ANGPT1: variants seen among roughly 807,000 people sequenced by gnomAD.
ANGPT1 encodes the protein angiopoietin 1.
A neutral mutation model predicts 62.2 loss-of-function variants in ANGPT1; 17 were observed. The ratio of observed to expected loss-of-function variants is 0.27; its 90% confidence interval spans 0.19 to 0.41. The LOEUF (loss-of-function observed/expected upper bound fraction) is 0.41, where lower values mean the gene tolerates loss of function less well. ANGPT1 is among the 10% of genes least tolerant of loss of function. ANGPT1 has a pLI of 1.00. For synonymous variants in ANGPT1, 199 were observed against 198.9 expected, an observed-to-expected ratio of 1.00 and a Z score of 0.00; for missense variants, 478 against 594.9, an observed-to-expected ratio of 0.80 and a Z score of 2.04.
chr8:107,349,192 A>G (rs924031333), intron 1 of ANGPT1, among the ~76,000 whole-genome samples: 3 of 151,954 alleles, frequency 2.0e-5, no homozygotes, highest in Non-Finnish European at 4.4e-5. Context: ...AGACACTTGG[A>G]TGCATAGATA....
At chr8:107,339,714 T>TG (rs1815653995) in intron 2 of ANGPT1, among the ~76,000 whole-genome samples, 1 of 152,082 alleles carries the variant, frequency 6.6e-6, no homozygotes, top group East Asian at 1.9e-4. Context: ...CCAGACCCCC[T>TG]GGGGGCCTAG....
chr8:107,487,584 A>G (rs1379129137), intron 1 of ANGPT1, among the ~76,000 whole-genome samples: 1 of 152,156 alleles, frequency 6.6e-6, no homozygotes, highest in Admixed American at 6.5e-5. Flanking sequence ...AGCTCCAGAG[A>G]GCTAAAGAAA....
In ANGPT1 at chr8:107,278,312, G is replaced by A. The variant is rs533479318; in HGVS notation, c.1205+6370C>T. On this transcript the variant is annotated intron_variant, in intron 7 of 8. Transcript: ENST00000517746. ...TTGCCCAGGCTGATGTCAAACTCCT[G>A]ACCTCAAGCAGTCCTCCCACTTTGG... Among the ~76,000 whole-genome samples, 8 of 152,160 alleles carry A rather than the reference G, an allele frequency of 5.3e-5. No individual in the cohort carries two copies. In the South Asian group the frequency reaches 1.5e-3, roughly 28 times the overall value.
At chr8:107,305,915 T>C (rs1814703862) in intron 4 of ANGPT1, among the ~76,000 whole-genome samples, 1 of 152,030 alleles carries the variant, frequency 6.6e-6, no homozygotes. Flanking sequence ...ATCCACAGCT[T>C]ACCTTTGGTA....
At chr8:107,256,802 C>T (rs977249318) in intron 8 of ANGPT1, among the ~76,000 whole-genome samples, 1 of 152,048 alleles carries the variant, frequency 6.6e-6, no homozygotes, top group Admixed American at 6.6e-5. Flanking sequence ...ATTGGGACAA[C>T]TGATAAAATG....
Position 107,251,596 on chromosome 8 carries a change from T to C in ANGPT1, c.*259A>G. 2.6e-6 allele frequency: 1 copy of C among 391,970 alleles called. No individual in the cohort carries two copies. The highest frequency in any genetic ancestry group is 3.9e-5 in the Admixed American group (1 of 25,850). The allele number at this position is 391,970 out of a possible 1,614,324, so 24.3% of individuals were successfully genotyped here. The stretch of plus-strand genomic sequence containing the variant: ...TTGAAGCACAGCAAGCTCAGCAGTT[T>C]CTTCCCTTTTTAAAGCCCGACAGTC... On this transcript the variant is annotated 3_prime_UTR_variant, in exon 9 of 9. Coordinates refer to ENST00000517746, the MANE Select transcript of ANGPT1 (RefSeq NM_001146.5).
chr8:107,494,411 G>A (rs1035662834), intron 1 of ANGPT1, among the ~76,000 whole-genome samples: 1 of 152,110 alleles, frequency 6.6e-6, no homozygotes, highest in African/African-American at 2.4e-5. Flanking sequence ...TATTTACTAT[G>A]ACTTGCTAAT....
At chr8:107,431,663 C>T (rs1811189913) in intron 1 of ANGPT1, among the ~76,000 whole-genome samples, 1 of 152,122 alleles carries the variant, frequency 6.6e-6, no homozygotes, top group African/African-American at 2.4e-5. Context: ...GTTCTCCCAA[C>T]ATACTGTCAT....
At chr8:107,445,022 ATCCGCACTTCACCCTGAAGGGGGC>A (rs1235615499) in intron 1 of ANGPT1, among the ~76,000 whole-genome samples, 4 of 152,192 alleles carry the variant, frequency 2.6e-5, no homozygotes, top group Non-Finnish European at 4.4e-5. Flanking sequence ...GGTCATTAGA[ATCCGCACTTCACCCTGAAGGGGGC>A]TGACAATACA....
intron 1 of ANGPT1, among the ~76,000 whole-genome samples, chr8:107,479,939 T>A (rs1386247063): frequency 3.3e-5 from 5 of 152,208 alleles, no homozygotes; most frequent in African/African-American, 1.2e-4. Context: ...TAAATCTTAC[T>A]AAACTTATGT....
At chr8:107,455,691 G>A (rs1270632704) in intron 1 of ANGPT1, among the ~76,000 whole-genome samples, 1 of 152,014 alleles carries the variant, frequency 6.6e-6, no homozygotes, top group East Asian at 1.9e-4. Flanking sequence ...AGTCATGTGG[G>A]TAATGCTTGT....
chr8:107,349,299 A>C (rs1815882764), intron 1 of ANGPT1, among the ~76,000 whole-genome samples: 1 of 152,094 alleles, frequency 6.6e-6, no homozygotes, highest in African/African-American at 2.4e-5. Context: ...GCATGATCTA[A>C]CAGTCTCCCA....
intron 3 of ANGPT1, among the ~76,000 whole-genome samples, chr8:107,335,940 T>A (rs1815547682): frequency 6.6e-6 from 1 of 152,188 alleles, no homozygotes; most frequent in African/African-American, 2.4e-5. Context: ...AAAGCAAATA[T>A]TTCAAGAGTA....
chr8:107,409,690 A>C (rs1817222550), intron 1 of ANGPT1, among the ~76,000 whole-genome samples: 1 of 151,046 alleles, frequency 6.6e-6, no homozygotes, highest in Admixed American at 6.7e-5. Flanking sequence ...TTTGCATTTT[A>C]ATTATGGTCA....
chr8:107,346,886 A>G, intron 2 of ANGPT1, 56 bp downstream of exon 2: 1 of 1,511,284 alleles, frequency 6.6e-7, no homozygotes, highest in Non-Finnish European at 8.9e-7. Context: ...GGAGAAAGCT[A>G]AAGAAAAAAA....
intron 6 of ANGPT1, among the ~76,000 whole-genome samples, chr8:107,288,353 C>T (rs1236749578): frequency 6.6e-6 from 1 of 152,140 alleles, no homozygotes; most frequent in Admixed American, 6.6e-5. Context: ...TCCCTTAGTG[C>T]TATCTCTTTC....
At chr8:107,298,635 A>T (rs559913130) in intron 5 of ANGPT1, among the ~76,000 whole-genome samples, 11 of 150,956 alleles carry the variant, frequency 7.3e-5, no homozygotes, top group African/African-American at 2.4e-4. Flanking sequence ...TTTCAAAGAC[A>T]TTTTTTTTTG....
chr8:107,434,158 A>T (rs1039676092), intron 1 of ANGPT1, among the ~76,000 whole-genome samples: 5 of 152,220 alleles, frequency 3.3e-5, no homozygotes, highest in Admixed American at 1.3e-4. Flanking sequence ...TTAATATCTA[A>T]GTAGAGAGAA....
chr8:107,477,605 C>T (rs1586356165), intron 1 of ANGPT1, among the ~76,000 whole-genome samples: 1 of 152,200 alleles, frequency 6.6e-6, no homozygotes, highest in South Asian at 2.1e-4. Context: ...TCATACTTAT[C>T]ATCTCACATA....
Sources: gnomAD v4.1 joint callset for allele counts (sites outside exome capture counted in the v4.1 genomes callset) on GRCh38, gnomAD v4.1.1 for gene constraint, MANE v1.5 for transcripts, NCBI Gene and HGNC (gene_info 2026-07-23, HGNC 2026-07-21) for gene names.